URI1: variants seen among roughly 807,000 people sequenced by gnomAD.
The protein encoded by URI1 is unconventional prefoldin RPB5 interactor 1.
URI1 carries 39 observed loss-of-function variants against 60.2 expected under a neutral mutation model. The ratio of observed to expected loss-of-function variants is 0.65; its 90% confidence interval spans 0.50 to 0.85. URI1 has a LOEUF of 0.85. Among genes scored for constraint, URI1 ranks in the 40% least tolerant of loss-of-function variants. URI1 has a pLI of 0.00. For synonymous variants in URI1, 251 were observed against 236.8 expected, an observed-to-expected ratio of 1.06 and a Z score of -0.55; for missense variants, 691 against 665.9, an observed-to-expected ratio of 1.04 and a Z score of -0.42.
chr19:30,002,017 C>T (rs937407857), intron 4 of URI1, among the ~76,000 whole-genome samples: 5 of 151,704 alleles, frequency 3.3e-5, no homozygotes, highest in Non-Finnish European at 2.9e-5. Context: ...TTGAAGCTGT[C>T]GAAAGAATAT....
At chr19:29,991,784 C>A (rs747390812) in intron 4 of URI1, among the ~76,000 whole-genome samples, 3 of 152,056 alleles carry the variant, frequency 2.0e-5, no homozygotes, top group African/African-American at 4.8e-5. Context: ...GAACTTTCTA[C>A]CTGGTTCTAA....
At chr19:29,992,312 T>A (rs2055756893) in intron 4 of URI1, among the ~76,000 whole-genome samples, 1 of 152,202 alleles carries the variant, frequency 6.6e-6, no homozygotes, top group African/African-American at 2.4e-5. Context: ...TCAAGTGATC[T>A]GCCTACCTTG....
chr19:29,999,466 G>A (rs1478706630), intron 4 of URI1, among the ~76,000 whole-genome samples: 1 of 152,020 alleles, frequency 6.6e-6, no homozygotes, highest in Non-Finnish European at 1.5e-5. Context: ...GAAGTATTTT[G>A]TTTCTCTCTC....
chr19:29,973,287 G>A (rs114036808), intron 2 of URI1, among the ~76,000 whole-genome samples: 45 of 152,252 alleles, frequency 3.0e-4, no homozygotes, highest in African/African-American at 9.9e-4. Flanking sequence ...GGGAAATCAC[G>A]ATAATTTTGT....
intron 1 of URI1, among the ~76,000 whole-genome samples, chr19:29,934,174 G>A (rs550090730): frequency 6.6e-6 from 1 of 152,142 alleles, no homozygotes; most frequent in South Asian, 2.1e-4. Context: ...GACCTTAGGT[G>A]ATCCACCTGC....
chr19:29,954,851 C>T (rs1242117903), intron 1 of URI1, among the ~76,000 whole-genome samples: 1 of 151,910 alleles, frequency 6.6e-6, no homozygotes, highest in African/African-American at 2.4e-5. Context: ...TTGACCTGTC[C>T]TTCCTCTGTT....
chr19:29,956,389 T>C, intron 1 of URI1: 2 of 1,467,836 alleles, frequency 1.4e-6, no homozygotes, highest in Admixed American at 1.7e-5. Flanking sequence ...ATCTTCTTTC[T>C]GTAGCTGGAT....
intron 1 of URI1, 31 bp downstream of exon 1, chr19:29,942,695 C>G: frequency 4.4e-6 from 6 of 1,362,254 alleles, no homozygotes; most frequent in Non-Finnish European, 4.7e-6. Flanking sequence ...GCTTCCGCCT[C>G]CGCCCGCCGG....
chr19:29,937,716 G>A (rs1358697809), upstream of URI1: 3 of 152,168 alleles, frequency 2.0e-5, no homozygotes, highest in Non-Finnish European at 4.4e-5. Flanking sequence ...CAAATCTCCT[G>A]ATGGATGCTG....
At chr19:29,962,899 A>T (rs888335762) in intron 1 of URI1, among the ~76,000 whole-genome samples, 1 of 151,734 alleles carries the variant, frequency 6.6e-6, no homozygotes, top group Admixed American at 6.6e-5. Flanking sequence ...ATTTTCAGTT[A>T]TTTTTTCCAG....
At chr19:29,957,933 A>C (rs1222628707) in intron 1 of URI1, 1 of 137,868 alleles carries the variant, frequency 7.3e-6, no homozygotes, top group Non-Finnish European at 1.6e-5. Context: ...TGATTTTTAC[A>C]TATTGACTTT....
chr19:29,955,117 G>T (rs1022281593), intron 1 of URI1, among the ~76,000 whole-genome samples: 2 of 150,586 alleles, frequency 1.3e-5, no homozygotes, highest in African/African-American at 4.9e-5. Flanking sequence ...CCTCAGCCAA[G>T]CTAATTTTTT....
chr19:30,011,493 C>T (rs2056019034), intron 9 of URI1, among the ~76,000 whole-genome samples: 1 of 151,300 alleles, frequency 6.6e-6, no homozygotes, highest in South Asian at 2.1e-4. Flanking sequence ...ATGGTCTAGT[C>T]AGAAAATCTT....
Position 30,014,003 on chromosome 19 carries a change from T to C in URI1, c.1426-884T>C, listed in dbSNP as rs182309469. On this transcript the variant is annotated intron_variant, in intron 10 of 10. Transcript: ENST00000392271. ...ACTTGGTAGACAGAGGAGAACAAAA[T>C]GTACATTAAAGTTCACCTGTCAAAT... 2.0e-3 allele frequency among the ~76,000 whole-genome samples: 305 copies of C among 151,334 alleles called. 1 individual carries two copies. Among genetic ancestry groups the C allele is most frequent in the African/African-American group, 6.8e-3 (279 of 41,270 alleles).
intron 1 of URI1, among the ~76,000 whole-genome samples, chr19:29,946,965 A>G (rs1371997359): frequency 6.6e-6 from 1 of 152,204 alleles, no homozygotes; most frequent in Non-Finnish European, 1.5e-5. Flanking sequence ...GTAGAAAAAC[A>G]GGAAGGTAAG....
In URI1 at chr19:29,923,730, T is replaced by C. The variant is rs971467676; in HGVS notation, c.39T>C (p.Ser13=). 47 of 1,536,698 alleles carry C rather than the reference T, an allele frequency of 3.1e-5. No individual in the cohort carries two copies. In the East Asian group the frequency reaches 1.1e-3, roughly 35 times the overall value. Reference sequence around the variant, plus strand: ...CTTCCCTTCAAGGAAGCCACGTTTCTAAGAGGGCTCTGGCATATGCATTGG... The same window carrying C: ...CTTCCCTTCAAGGAAGCCACGTTTCCAAGAGGGCTCTGGCATATGCATTGG... Residue 13 remains serine, a synonymous_variant, in exon 1 of 11, where the codon TCT becomes TCC. Transcript: ENST00000360605.
chr19:29,933,631 G>A (rs1376189868), intron 1 of URI1, among the ~76,000 whole-genome samples: 1 of 151,748 alleles, frequency 6.6e-6, no homozygotes. Flanking sequence ...GATCAGCTTG[G>A]GCAACACGGT....
rs2055961655 is a variant in URI1, at chr19:30,007,629, A to G, written c.677A>G (p.Glu226Gly). The G allele has an allele frequency of 2.5e-6, 4 of 1,605,934 alleles. No individual in the cohort carries two copies. Among genetic ancestry groups the G allele is most frequent in the Non-Finnish European group, 2.6e-6 (3 of 1,176,344 alleles). ...GAGAGACAGGAAGAATTGCTGGGTG[A>G]ACTTGATAGGTACTTGATGACAAAT... Reference protein sequence around the residue: ...ELERQEELLGELDSKPDTVIA... With the variant: ...ELERQEELLGGLDSKPDTVIA... The change falls in exon 7 of 11, where the codon GAA (glutamate) becomes GGA (glycine). Residue 226 changes from glutamate (E) to glycine (G), a missense_variant. Transcript: ENST00000392271.
At chr19:29,963,019 T>A (rs1199149364) in intron 1 of URI1, among the ~76,000 whole-genome samples, 1 of 152,228 alleles carries the variant, frequency 6.6e-6, no homozygotes, top group Non-Finnish European at 1.5e-5. Flanking sequence ...CTGTGCCTCC[T>A]CCGCCTACCC....
Sources: allele counts gnomAD v4.1 joint callset (sites outside exome capture counted in the v4.1 genomes callset), GRCh38; gene constraint gnomAD v4.1.1; transcripts MANE v1.5; gene names NCBI Gene and HGNC (gene_info 2026-07-23, HGNC 2026-07-21).